Variants in AS3MT observed in about 807,000 individuals in gnomAD.
AS3MT encodes the protein arsenite methyltransferase.
In AS3MT, 47 loss-of-function variants were observed where a neutral mutation model predicts 45.3. The observed-to-expected ratio is 1.04, with a 90% CI of 0.82 to 1.32. The LOEUF is 1.32. Among genes scored for constraint, AS3MT ranks in the 40% most tolerant of loss-of-function variants. The pLI, the probability that AS3MT is intolerant of heterozygous loss-of-function variation, is 0.00. For missense variants in AS3MT, 396 were observed against 451.1 expected (o/e 0.88, Z 1.11); for synonymous variants, 141 against 152.8 (o/e 0.92, Z 0.57).
chr10:102,873,045 A>C, intron 4 of AS3MT, 52 bp from the exon 5 acceptor site: 1 of 1,453,438 alleles, frequency 6.9e-7, no homozygotes, highest in East Asian at 2.4e-5. Flanking sequence ...TTTAGGAAAA[A>C]GTTGTGTATT....
rs536309938 is a variant in AS3MT, at chr10:102,899,919, G to A, written c.1021-674G>A. Among the ~76,000 whole-genome samples, 52 of 152,158 alleles carry A rather than the reference G, an allele frequency of 3.4e-4. No homozygotes were observed. In the Middle Eastern group the frequency reaches 0.01, roughly 30 times the overall value. On this transcript the variant is annotated intron_variant, in intron 10 of 10. Coordinates refer to ENST00000369880, the MANE Select transcript of AS3MT (RefSeq NM_020682.4). ...TGGCCTCAGGTGATCCATTGGCCTC[G>A]GCCTCTCAAAGTGCTGGGATTACAG...
At position 102,893,333 on chromosome 10, in the gene AS3MT, G is replaced by A. The variant is rs569515172; in HGVS notation, c.1020+2655G>A. On this transcript the variant is annotated intron_variant, in intron 10 of 10. Transcript: ENST00000369880. ...TAGAACTTTCTTTTTTTTGGTGGGG[G>A]AGGGGGACGGAGTCTTCCTCTGTCA... Among the ~76,000 whole-genome samples, 5 of 151,996 alleles carry A rather than the reference G, an allele frequency of 3.3e-5. No individual in the cohort carries two copies. The East Asian group carries it at 5.8e-4, about 18-fold the overall frequency.
chr10:102,885,562 C>T (rs1407278976), intron 9 of AS3MT, among the ~76,000 whole-genome samples: 2 of 56,006 alleles, frequency 3.6e-5, no homozygotes, highest in Non-Finnish European at 3.2e-5. Flanking sequence ...CGGAGTCTCG[C>T]TCTGTCGCCC....
Position 102,900,948 on chromosome 10 carries a change from A to C in AS3MT, c.*248A>C, listed in dbSNP as rs987669004. On this transcript the variant is annotated 3_prime_UTR_variant, in exon 11 of 11. Transcript: ENST00000369880. Reference sequence around the variant, plus strand: ...AAAATACAAAAAAAATTAGCTGGGCATGGTGGTGCACACCTATAGTCTCAG... The same window carrying C: ...AAAATACAAAAAAAATTAGCTGGGCCTGGTGGTGCACACCTATAGTCTCAG... The C allele has an allele frequency of 2.3e-4, 85 of 369,568 alleles. No individual in the cohort carries two copies. The highest frequency in any genetic ancestry group is 2.2e-3 in the South Asian group (82 of 36,724). 22.9% of individuals were successfully genotyped at this position (369,568 alleles called of 1,614,324 possible).
At chr10:102,895,679 G>A (rs913200143) in intron 10 of AS3MT, among the ~76,000 whole-genome samples, 1 of 152,150 alleles carries the variant, frequency 6.6e-6, no homozygotes, top group Middle Eastern at 3.4e-3. Flanking sequence ...TACGCCACCA[G>A]GTGATCCACC....
At chr10:102,896,651 CA>C (rs920962509) in intron 10 of AS3MT, among the ~76,000 whole-genome samples, 4 of 151,314 alleles carry the variant, frequency 2.6e-5, no homozygotes, top group South Asian at 2.1e-4. Context: ...ACTAAAAATA[CA>C]AAAAAAATTA....
chr10:102,874,258 A>G (rs1190076484), intron 5 of AS3MT, among the ~76,000 whole-genome samples: 2 of 148,668 alleles, frequency 1.3e-5, no homozygotes, highest in East Asian at 2.0e-4. Flanking sequence ...CCTCTCGGGA[A>G]AAAAAAAAAA....
intron 3 of AS3MT, among the ~76,000 whole-genome samples, chr10:102,871,546 CAAAAAAAA>C (rs748797211): frequency 0.34 from 7,550 of 22,236 alleles, 302 homozygotes; most frequent in East Asian, 0.49. Context: ...GACTCCGTCT[CAAAAAAAA>C]AAAAAAAAAA....
intron 10 of AS3MT, among the ~76,000 whole-genome samples, chr10:102,896,536 C>T (rs562221876): frequency 3.3e-5 from 5 of 152,034 alleles, no homozygotes; most frequent in East Asian, 3.9e-4. Context: ...AGGCCGGGCA[C>T]GGTGGCTTAC....
chr10:102,881,615 G>A lies in AS3MT; in HGVS notation c.885+2624G>A, dbSNP rs1021664036. On this transcript the variant is annotated intron_variant, in intron 9 of 10. Transcript: ENST00000369880. The surrounding 1 kb of genome is among the most constrained non-coding windows in gnomAD (Gnocchi z 4.2). Reference sequence around the variant, plus strand: ...TACTTACTTTGCAGAATTTCTATAAGGATTAGCAATAATGTAGCAAAACAC... The same window carrying A: ...TACTTACTTTGCAGAATTTCTATAAAGATTAGCAATAATGTAGCAAAACAC... Among the ~76,000 whole-genome samples, 2 of 152,074 alleles carry A rather than the reference G, an allele frequency of 1.3e-5. No individual in the cohort carries two copies. The highest frequency in any genetic ancestry group is 2.9e-5 in the Non-Finnish European group (2 of 68,022).
chr10:102,884,349 G>A (rs573064532), intron 9 of AS3MT, among the ~76,000 whole-genome samples: 6 of 151,984 alleles, frequency 3.9e-5, no homozygotes, highest in Non-Finnish European at 8.8e-5. Context: ...ACTTATTCCT[G>A]ATAACTGAAA....
chr10:102,892,565 TC>T (rs1457201704), intron 10 of AS3MT, among the ~76,000 whole-genome samples: 2 of 152,154 alleles, frequency 1.3e-5, no homozygotes, highest in African/African-American at 4.8e-5. Flanking sequence ...TTCCTGCTTC[TC>T]GTAGAATGAA....
intron 9 of AS3MT, among the ~76,000 whole-genome samples, chr10:102,888,560 T>C (rs985501797): frequency 1.3e-5 from 2 of 151,722 alleles, no homozygotes; most frequent in African/African-American, 4.8e-5. Context: ...TAGCTGGGAT[T>C]ACAGGCATGC....
intron 9 of AS3MT, among the ~76,000 whole-genome samples, chr10:102,889,197 A>G (rs1845019087): frequency 6.6e-6 from 1 of 151,922 alleles, no homozygotes; most frequent in South Asian, 2.1e-4. Context: ...GCCAAACCCT[A>G]TATTTATAAC....
Position 102,888,881 on chromosome 10 carries a change from A to ATATATTT in AS3MT, c.886-1662_886-1661insATATTTT, listed in dbSNP as rs1491503446. On this transcript the variant is annotated intron_variant, in intron 9 of 10. Transcript: ENST00000369880. Reference sequence around the variant, plus strand: ...TATATATATATATATATATATATATATTTTTTTTTTTTTTTTTGAGACGGA... The same window carrying ATATATTT: ...TATATATATATATATATATATATATATATATTTTTTTTTTTTTTTTTTTTGAGACGGA... 7.6e-5 allele frequency among the ~76,000 whole-genome samples: 4 copies of ATATATTT among 52,518 alleles called. No homozygotes were observed. In the Admixed American group the frequency reaches 8.8e-4, roughly 12 times the overall value. 34.5% of individuals were successfully genotyped at this position (52,518 alleles called of 152,430 possible). A position where few individuals can be genotyped will look rare whatever the true frequency, so the allele number is the denominator to read the frequency against.
intron 3 of AS3MT, among the ~76,000 whole-genome samples, 166 bp downstream of exon 3, chr10:102,870,377 A>G (rs993035387): frequency 6.6e-6 from 1 of 151,942 alleles, no homozygotes; most frequent in African/African-American, 2.4e-5. Context: ...TGCTCTAAGA[A>G]CCTCCGATGA....
intron 10 of AS3MT, among the ~76,000 whole-genome samples, chr10:102,894,080 T>C (rs1031086607): frequency 3.9e-4 from 59 of 152,172 alleles, no homozygotes; most frequent in African/African-American, 1.2e-3. Context: ...TTGGTGACCA[T>C]TGATGTTGCC....
intron 9 of AS3MT, among the ~76,000 whole-genome samples, chr10:102,880,881 T>C (rs1284394342): frequency 1.3e-5 from 2 of 152,164 alleles, no homozygotes; most frequent in African/African-American, 4.8e-5. Flanking sequence ...ATCCAGAAAT[T>C]ATCAAAATAT....
chr10:102,878,740 A>G, intron 8 of AS3MT, 109 bp from the exon 9 acceptor site: 2 of 1,400,628 alleles, frequency 1.4e-6, no homozygotes, highest in Non-Finnish European at 9.7e-7. Context: ...ATAACTGATG[A>G]CATGCAAGGA....
Sources: gnomAD v4.1 joint callset for allele counts (sites outside exome capture counted in the v4.1 genomes callset) on GRCh38, gnomAD v4.1.1 for gene constraint, Gnocchi (gnomAD v3.1) non-coding constraint, MANE v1.5 for transcripts, NCBI Gene and HGNC (gene_info 2026-07-23, HGNC 2026-07-21) for gene names.